The following DDO variants were observed in gnomAD, a reference collection of about 807,000 sequenced individuals.
DDO encodes D-aspartate oxidase, DDO.
A neutral mutation model predicts 16.8 loss-of-function variants in DDO; 16 were observed. The ratio of observed to expected loss-of-function variants is 0.95; its 90% CI spans 0.65 to 1.45. DDO has a LOEUF of 1.45. Ranked by LOEUF, DDO falls within the 40% of genes most tolerant of loss-of-function variation. DDO has a pLI of 0.00. For missense variants in DDO, 429 were observed against 420.3 expected (o/e 1.02, Z -0.18); for synonymous variants, 180 against 167.2 (o/e 1.08, Z -0.59).
At chr6:110,388,860 T>A, downstream of DDO, 13 of 951,276 alleles carry the variant, frequency 1.4e-5, no homozygotes, top group Non-Finnish European at 1.6e-5. Context: ...AAAGAAAAAA[T>A]AAAGCAGTCT....
intron 4 of DDO, among the ~76,000 whole-genome samples, chr6:110,394,713 C>T (rs1773234613): frequency 1.3e-5 from 2 of 152,150 alleles, no homozygotes. Context: ...GCTTTATATC[C>T]CAGCTCTGCC....
intron 4 of DDO, among the ~76,000 whole-genome samples, chr6:110,401,463 T>TAA (rs138367265): frequency 0.015 from 2,176 of 147,724 alleles, 25 homozygotes; most frequent in African/African-American, 0.025. Flanking sequence ...AAAAAGTGCT[T>TAA]TAAAAAAAAA....
intron 2 of DDO, among the ~76,000 whole-genome samples, chr6:110,410,280 C>G (rs572971429): frequency 6.6e-6 from 1 of 152,322 alleles, no homozygotes; most frequent in Non-Finnish European, 1.5e-5. Context: ...CCTATGAGCC[C>G]TCAGATGAGT....
chr6:110,402,692 A>G (rs1773521356), intron 4 of DDO, among the ~76,000 whole-genome samples: 2 of 152,214 alleles, frequency 1.3e-5, no homozygotes. Flanking sequence ...AAATATGTAT[A>G]AGGAGTAAAA....
In DDO at chr6:110,413,523, CAA is replaced by C. The variant is rs1397485674; in HGVS notation, c.-4-59_-4-58del. 6.3e-6 allele frequency: 10 copies of C among 1,575,672 alleles called. No individual in the cohort carries two copies. The African/African-American group carries it at 1.2e-4, about 19-fold the overall frequency. On this transcript the variant is annotated intron_variant, in intron 1 of 4. Transcript: ENST00000368924. ...TGTTTTAAGGATTTTCCCATCCAGA[CAA>C]AGTTTGGTCTTGACAGTTTTTTCCT...
chr6:110,407,568 A>G (rs1773700515), intron 3 of DDO, among the ~76,000 whole-genome samples: 1 of 152,242 alleles, frequency 6.6e-6, no homozygotes, highest in African/African-American at 2.4e-5. Flanking sequence ...AGACTGTGTT[A>G]TCACACAGGA....
chr6:110,394,032 G>T (rs1773206042), intron 4 of DDO, among the ~76,000 whole-genome samples: 1 of 152,122 alleles, frequency 6.6e-6, no homozygotes, highest in South Asian at 2.1e-4. Context: ...TAAGTGTAAA[G>T]TTCAGTAGTA....
chr6:110,412,209 G>A (rs936257856), intron 2 of DDO, among the ~76,000 whole-genome samples: 1 of 151,218 alleles, frequency 6.6e-6, no homozygotes, highest in East Asian at 1.9e-4. Flanking sequence ...AGCCAGGATC[G>A]TGCCACTGCA....
In DDO at chr6:110,392,484, G is replaced by C. The variant is rs1773128582; in HGVS notation, c.*291C>G. The stretch of plus-strand genomic sequence containing the variant: ...GACTTCCTAAGTAAGCCTACATGTT[G>C]CATCATTTCTTTTGTTGTTGGTGTT... On this transcript the variant is annotated 3_prime_UTR_variant, in exon 5 of 5. Coordinates refer to ENST00000368924, the MANE Select transcript of DDO (RefSeq NM_001372108.2). 1 of 1,113,020 alleles carries C rather than the reference G, an allele frequency of 9.0e-7. No individual in the cohort carries two copies. The highest frequency in any genetic ancestry group is 1.1e-6 in the Non-Finnish European group (1 of 913,706). The allele number at this position is 1,113,020 out of a possible 1,614,324, so 68.9% of individuals were successfully genotyped here. A position where few individuals can be genotyped will look rare whatever the true frequency, so the allele number is the denominator to read the frequency against.
chr6:110,400,393 C>G (rs1407701752), intron 4 of DDO, among the ~76,000 whole-genome samples: 4 of 151,614 alleles, frequency 2.6e-5, no homozygotes, highest in Admixed American at 6.6e-5. Flanking sequence ...ACCTCCAGCC[C>G]CCGCAGAGGA....
chr6:110,402,989 CCA>C (rs1296640394), intron 4 of DDO, among the ~76,000 whole-genome samples: 1 of 152,140 alleles, frequency 6.6e-6, no homozygotes, highest in Non-Finnish European at 1.5e-5. Context: ...GATGAGAAAG[CCA>C]CACAATGGAC....
intron 2 of DDO, among the ~76,000 whole-genome samples, chr6:110,411,459 A>T (rs1773855102): frequency 6.6e-6 from 1 of 152,238 alleles, no homozygotes; most frequent in Non-Finnish European, 1.5e-5. Flanking sequence ...AACTGTTATT[A>T]GTATCTTCAT....
intron 2 of DDO, among the ~76,000 whole-genome samples, chr6:110,411,183 AATGACATCACAG>A (rs1443447492): frequency 1.3e-5 from 2 of 152,030 alleles, no homozygotes; most frequent in Non-Finnish European, 2.9e-5. Context: ...ACTTAAACTG[AATGACATCACAG>A]ATGTCCCCAA....
At position 110,400,411 on chromosome 6, in the gene DDO, G is replaced by C. The variant is rs572142054; in HGVS notation, c.458+4363C>G. Among the ~76,000 whole-genome samples the C allele has an allele frequency of 7.2e-5, 11 of 151,936 alleles. No individual in the cohort carries two copies. In the South Asian group the frequency reaches 2.1e-3, roughly 29 times the overall value. ...TCCAGCCCCCGCAGAGGAGGACGCT[G>C]CCCACGAGGCAGGGCGGCACCAGGC... On this transcript the variant is annotated intron_variant, in intron 4 of 4. Transcript: ENST00000368924.
intron 3 of DDO, 64 bp downstream of exon 3, chr6:110,408,270 T>C (rs536226324): frequency 7.2e-5 from 106 of 1,471,148 alleles, no homozygotes; most frequent in Non-Finnish European, 9.7e-5. Context: ...ATATTTTATG[T>C]TGAACTCTAA....
At chr6:110,407,977 CA>C (rs1562264371) in intron 3 of DDO, among the ~76,000 whole-genome samples, 1 of 152,224 alleles carries the variant, frequency 6.6e-6, no homozygotes, top group Non-Finnish European at 1.5e-5. Flanking sequence ...ATCCCAACAT[CA>C]TACCTGTTTG....
At position 110,392,931 on chromosome 6, in the gene DDO, G is replaced by A; in HGVS notation, c.870C>T (p.Leu290=). ...GCAGCCTCTGTCCATCTCGCGCAAG[G>A]AGCTCTGTCTGCAGTCGCACGCCTG... ...YRPGVRLQTE[L]LARDGQRLPV... is the part of the protein sequence containing the mutation. The change falls in exon 5 of 5, where the codon CTC becomes CTT. Residue 290 remains leucine, a synonymous_variant. Transcript: ENST00000368924. The A allele has an allele frequency of 1.1e-5, 18 of 1,614,238 alleles. No individual in the cohort carries two copies. Among genetic ancestry groups the A allele is most frequent in the Non-Finnish European group, 1.4e-5 (17 of 1,180,042 alleles).
rs575370219 is a variant in DDO, at chr6:110,404,772, A to G, written c.458+2T>C. ...GAAATATCAGGGAGCATTTCAACTG[A>G]CCTTTTCTCCAACCACGGGAGGTAG... On this transcript the variant is annotated splice_donor_variant, in intron 4 of 4. Transcript: ENST00000368924. LOFTEE classifies it high-confidence loss of function. 1 of 1,613,926 alleles carries G rather than the reference A, an allele frequency of 6.2e-7. No homozygotes were observed. Among genetic ancestry groups the G allele is most frequent in the African/African-American group, 1.3e-5 (1 of 75,028 alleles).
At chr6:110,409,584 T>C (rs1403883927) in intron 2 of DDO, among the ~76,000 whole-genome samples, 1 of 152,226 alleles carries the variant, frequency 6.6e-6, no homozygotes, top group Non-Finnish European at 1.5e-5. Context: ...AATTCGCTTG[T>C]TATAGAGCCA....
Sources: allele counts gnomAD v4.1 joint callset (sites outside exome capture counted in the v4.1 genomes callset), GRCh38; gene constraint gnomAD v4.1.1; transcripts MANE v1.5; gene names NCBI Gene and HGNC (gene_info 2026-07-23, HGNC 2026-07-21).